Variants in TRIM68 observed in about 807,000 individuals in gnomAD.
The protein encoded by TRIM68 is tripartite motif containing 68, also known as E3 ubiquitin-protein ligase TRIM68.
Under a neutral mutation model 41.9 loss-of-function variants are expected in TRIM68, and 36 were observed. That is an observed-to-expected ratio of 0.86 (90% CI 0.66 to 1.14). TRIM68 has a LOEUF of 1.14. TRIM68 is among the 50% of genes most tolerant of loss of function. The pLI is 0.00. For synonymous variants in TRIM68, 225 were observed against 224.6 expected (o/e 1.00, Z -0.02); for missense variants, 632 against 605.1 (o/e 1.04, Z -0.47).
chr11:4,603,548 A>C (rs919206819), intron 2 of TRIM68, among the ~76,000 whole-genome samples: 10 of 152,240 alleles, frequency 6.6e-5, no homozygotes, highest in Non-Finnish European at 2.9e-5. Flanking sequence ...CACAGTCTCT[A>C]AATGTCTGTA....
At chr11:4,601,154 C>A (rs375276010) in intron 5 of TRIM68, 27 bp from the exon 6 acceptor site, 12 of 1,582,726 alleles carry the variant, frequency 7.6e-6, no homozygotes, top group Non-Finnish European at 1.0e-5. Context: ...AACCTCAGGG[C>A]CAGGAGTCCC....
rs745838545 is a variant in TRIM68, at chr11:4,602,463, C to T, written c.523-51G>A. The stretch of plus-strand genomic sequence containing the variant: ...ACTGATACTTTCAGTCACCCAGTAT[C>T]GAGCATACTGACATATGCATACACA... On this transcript the variant is annotated intron_variant, in intron 3 of 6. Coordinates refer to ENST00000300747, the MANE Select transcript of TRIM68 (RefSeq NM_018073.8). 12 of 1,600,732 alleles carry T rather than the reference C, an allele frequency of 7.5e-6. No homozygotes were observed. The East Asian group carries it at 2.0e-4, about 27-fold the overall frequency.
chr11:4,604,282 A>G (rs1342543869), intron 2 of TRIM68, among the ~76,000 whole-genome samples: 1 of 152,260 alleles, frequency 6.6e-6, no homozygotes, highest in Non-Finnish European at 1.5e-5. Flanking sequence ...GTTGAGACCA[A>G]TGCTGGATCA....
intron 2 of TRIM68, among the ~76,000 whole-genome samples, chr11:4,604,324 C>T (rs1033756026): frequency 6.6e-5 from 10 of 152,082 alleles, no homozygotes; most frequent in Middle Eastern, 3.2e-3. Flanking sequence ...ATAATGGTTC[C>T]GATAAAGATG....
chr11:4,600,483 C>G lies in TRIM68; in HGVS notation c.1251G>C (p.Pro417=), dbSNP rs760798555. 1.9e-6 allele frequency: 3 copies of G among 1,613,164 alleles called. No individual in the cohort carries two copies. The highest frequency in any genetic ancestry group is 2.2e-5 in the South Asian group (2 of 90,926). The change falls in exon 7 of 7, where the codon CCG becomes CCC. Residue 417 remains proline (P), a synonymous_variant. Transcript: ENST00000300747. ...GTDEYPILSL[P]VPPRRVGIFV... ...AGATTCCCACCCGGCGAGGAGGGAC[C>G]GGCAAGGACAGGATTGGGTACTCAT...
At chr11:4,600,950 G>A in intron 6 of TRIM68, 77 bp downstream of exon 6, 5 of 1,572,418 alleles carry the variant, frequency 3.2e-6, no homozygotes, top group Non-Finnish European at 4.4e-6. Flanking sequence ...GGAGCACCCA[G>A]AGGGCACTGA....
intron 1 of TRIM68, among the ~76,000 whole-genome samples, chr11:4,606,670 A>G (rs774913420): frequency 1.1e-4 from 16 of 152,224 alleles, no homozygotes; most frequent in Non-Finnish European, 2.1e-4. Flanking sequence ...AGCACTTTAC[A>G]TGAATTAAGT....
At position 4,603,228 on chromosome 11, in the gene TRIM68, C is replaced by T. The variant is rs758662256; in HGVS notation, c.522+17G>A. 1.6e-5 allele frequency: 26 copies of T among 1,613,222 alleles called. No homozygotes were observed. The Admixed American group carries it at 3.7e-4, about 23-fold the overall frequency. On this transcript the variant is annotated intron_variant, in intron 3 of 6. Transcript: ENST00000300747. ...AGGACGACTGACACAAACTCCTTTC[C>T]CCACGAGGCAACCTGCCTTCCAGGT...
chr11:4,602,557 C>T, intron 3 of TRIM68, 145 bp from the exon 4 acceptor site: 2 of 1,118,758 alleles, frequency 1.8e-6, no homozygotes, highest in Admixed American at 2.6e-5. Flanking sequence ...ACTATTTTTC[C>T]TAGCTTCCTG....
At chr11:4,606,087 A>G (rs1413150934) in intron 1 of TRIM68, among the ~76,000 whole-genome samples, 5 of 152,248 alleles carry the variant, frequency 3.3e-5, no homozygotes, top group African/African-American at 1.2e-4. Context: ...AAATGCAAAA[A>G]CTGTAAAGGA....
Position 4,602,203 on chromosome 11 carries a change from C to A in TRIM68, c.732G>T (p.Met244Ile). The A allele has an allele frequency of 6.2e-7, 1 of 1,614,206 alleles. No individual in the cohort carries two copies. The highest frequency in any genetic ancestry group is 2.2e-5 in the East Asian group (1 of 44,872). ...GCGACCTCTCTTTCAACTCTGCAAT[C>A]ATCCTCCACAGGACCTGGCTCTGCT... ...LIQQSQVLWRMIAELKERSQR... is the reference protein window; with the variant it reads ...LIQQSQVLWRIIAELKERSQR... Residue 244 changes from methionine to isoleucine, a missense_variant, in exon 4 of 7, where the codon ATG (methionine) becomes ATT (isoleucine). Met to Ile is a conservative substitution (Grantham distance 10, BLOSUM62 1). Transcript: ENST00000300747.
At chr11:4,601,807 C>A in intron 4 of TRIM68, 121 bp from the exon 5 acceptor site, 1 of 1,201,964 alleles carries the variant, frequency 8.3e-7, no homozygotes, top group South Asian at 1.3e-5. Flanking sequence ...TGGAGAGATG[C>A]CATGCAGAGG....
In TRIM68 at chr11:4,602,255, A is replaced by G. The variant is rs1331380463; in HGVS notation, c.680T>C (p.Leu227Pro). 6.2e-7 allele frequency: 1 copy of G among 1,614,080 alleles called. No individual in the cohort carries two copies. Among genetic ancestry groups the G allele is most frequent in the South Asian group, 1.1e-5 (1 of 91,072 alleles). Residue 227 changes from leucine (L) to proline (P), a missense_variant, in exon 4 of 7, where the codon CTG becomes CCG. Coordinates refer to ENST00000300747, the MANE Select transcript of TRIM68 (RefSeq NM_018073.8). ...GATGAGCTCGCTATGGTTCAACTCCAGTTTCTGCATGGTCTCCGCTGCCTC... is the reference window on the plus strand; with the variant it reads ...GATGAGCTCGCTATGGTTCAACTCCGGTTTCTGCATGGTCTCCGCTGCCTC... ...QREAAETMQK[L>P]ELNHSELIQQ...
intron 4 of TRIM68, chr11:4,601,907 G>C: frequency 2.6e-6 from 2 of 765,586 alleles, no homozygotes; most frequent in Non-Finnish European, 4.2e-6. Flanking sequence ...TCTCGGGCTA[G>C]AGGAGAGGGC....
At chr11:4,604,454 G>C (rs1846539314) in intron 2 of TRIM68, among the ~76,000 whole-genome samples, 1 of 152,210 alleles carries the variant, frequency 6.6e-6, no homozygotes, top group Non-Finnish European at 1.5e-5. Context: ...AACAAACTTG[G>C]GAGAGGAGAA....
chr11:4,604,061 C>T (rs912068863), intron 2 of TRIM68, among the ~76,000 whole-genome samples: 2 of 152,190 alleles, frequency 1.3e-5, no homozygotes, highest in African/African-American at 4.8e-5. Flanking sequence ...GTGACCTACC[C>T]AAAGTCATTC....
chr11:4,607,335 G>A (rs1293737765), intron 1 of TRIM68, among the ~76,000 whole-genome samples: 1 of 152,178 alleles, frequency 6.6e-6, no homozygotes, highest in Non-Finnish European at 1.5e-5. Context: ...TGTTGAATAC[G>A]TGAAAACTAA....
chr11:4,602,119 C>T (rs374095378), intron 4 of TRIM68, 33 bp downstream of exon 4: 13 of 1,613,428 alleles, frequency 8.1e-6, no homozygotes, highest in African/African-American at 4.0e-5. Context: ...CTTCAGCTGT[C>T]ACTCAGGGTT....
intron 1 of TRIM68, among the ~76,000 whole-genome samples, chr11:4,606,268 T>A (rs1846566359): frequency 6.6e-6 from 1 of 152,260 alleles, no homozygotes; most frequent in Non-Finnish European, 1.5e-5. Flanking sequence ...TTGATGATCA[T>A]CACACCCATA....
Sources: allele counts gnomAD v4.1 joint callset (sites outside exome capture counted in the v4.1 genomes callset), GRCh38; gene constraint gnomAD v4.1.1; transcripts MANE v1.5; gene names NCBI Gene and HGNC (gene_info 2026-07-23, HGNC 2026-07-21).